ST8SIA1: variants seen among roughly 807,000 people sequenced by gnomAD.
ST8SIA1 encodes the protein alpha-N-acetylneuraminide alpha-2,8-sialyltransferase.
A neutral mutation model predicts 35.9 loss-of-function variants in ST8SIA1; 16 were observed. The ratio of observed to expected loss-of-function variants is 0.45; its 90% confidence interval spans 0.30 to 0.68. The LOEUF is 0.68. ST8SIA1 is among the 30% of genes least tolerant of loss of function. The pLI is 0.09. For missense variants in ST8SIA1, 383 were observed against 453.6 expected (o/e 0.84, Z 1.41); for synonymous variants, 170 against 169.6 (o/e 1.00, Z -0.02).
At chr12:22,330,568 A>G (rs1375786864) in intron 1 of ST8SIA1, among the ~76,000 whole-genome samples, 2 of 152,192 alleles carry the variant, frequency 1.3e-5, no homozygotes, top group South Asian at 2.1e-4. Context: ...CAGTTAGTTA[A>G]TTATATACAT....
At position 22,271,508 on chromosome 12, in the gene ST8SIA1, G is replaced by A. The variant is rs144503224; in HGVS notation, c.381+15641C>T. Among the ~76,000 whole-genome samples, 22 of 152,216 alleles carry A rather than the reference G, an allele frequency of 1.4e-4. No homozygotes were observed. In the East Asian group the frequency reaches 3.1e-3, roughly 21 times the overall value. On this transcript the variant is annotated intron_variant, in intron 2 of 4. Transcript: ENST00000396037. ...TGCCACTTCCAATGTACTTTGTGAT[G>A]GGTACTGAACCTTTCTTAGCCTCAG...
chr12:22,238,062 A>G (rs1865494858), intron 4 of ST8SIA1, among the ~76,000 whole-genome samples: 1 of 152,096 alleles, frequency 6.6e-6, no homozygotes, highest in South Asian at 2.1e-4. Flanking sequence ...GAGGGATATA[A>G]ATTGTTGTGA....
intron 1 of ST8SIA1, among the ~76,000 whole-genome samples, chr12:22,290,673 T>A (rs1301133480): frequency 6.6e-6 from 1 of 152,176 alleles, no homozygotes; most frequent in Non-Finnish European, 1.5e-5. Flanking sequence ...GGTTTCCTGA[T>A]CTGAGATTTG....
At chr12:22,254,301 T>C (rs73270037) in intron 3 of ST8SIA1, among the ~76,000 whole-genome samples, 375 of 152,124 alleles carry the variant, frequency 2.5e-3, no homozygotes, top group African/African-American at 8.6e-3. Flanking sequence ...CAGAAAGCCA[T>C]TCTTTGACTT....
chr12:22,281,423 T>G (rs993119285), intron 2 of ST8SIA1, among the ~76,000 whole-genome samples: 4 of 152,202 alleles, frequency 2.6e-5, no homozygotes, highest in Non-Finnish European at 4.4e-5. Flanking sequence ...GTGTTAGCAT[T>G]AGGCCAAGAA....
chr12:22,311,326 G>T (rs1415931265), intron 1 of ST8SIA1, among the ~76,000 whole-genome samples: 2 of 152,092 alleles, frequency 1.3e-5, no homozygotes, highest in African/African-American at 2.4e-5. Flanking sequence ...TAATTGGAAG[G>T]GTGGGTGGGG....
chr12:22,237,092 T>C (rs1865483355), intron 4 of ST8SIA1, among the ~76,000 whole-genome samples: 1 of 148,920 alleles, frequency 6.7e-6, no homozygotes, highest in Admixed American at 6.9e-5. Flanking sequence ...GGAAAAATTA[T>C]AAAATAACAA....
intron 1 of ST8SIA1, among the ~76,000 whole-genome samples, chr12:22,332,122 A>G (rs1866775251): frequency 6.6e-6 from 1 of 152,196 alleles, no homozygotes; most frequent in Non-Finnish European, 1.5e-5. Context: ...ACTTATTTCA[A>G]TAAGCAATGG....
At position 22,334,296 on chromosome 12, in the gene ST8SIA1, C is replaced by T. The variant is rs987457420; in HGVS notation, c.-64G>A. On this transcript the variant is annotated 5_prime_UTR_variant, in exon 1 of 5. Transcript: ENST00000396037. ...AGCACAAAGCTAGGCGAAGTGGCAG[C>T]GGAGGGTCCCCCACCGCCAGCCCCC... 2 of 1,344,706 alleles carry T rather than the reference C, an allele frequency of 1.5e-6. No homozygotes were observed. Among genetic ancestry groups the T allele is most frequent in the Middle Eastern group, 2.5e-4 (1 of 3,930 alleles). The allele number at this position is 1,344,706 out of a possible 1,614,324, so 83.3% of individuals were successfully genotyped here.
intron 1 of ST8SIA1, among the ~76,000 whole-genome samples, chr12:22,327,677 G>C (rs1050176549): frequency 3.9e-5 from 6 of 152,174 alleles, no homozygotes; most frequent in Non-Finnish European, 8.8e-5. Flanking sequence ...GGGAACATTA[G>C]TGAAAATCTT....
chr12:22,330,358 T>C (rs1866746390), intron 1 of ST8SIA1, among the ~76,000 whole-genome samples: 2 of 152,212 alleles, frequency 1.3e-5, no homozygotes, highest in South Asian at 2.1e-4. Flanking sequence ...TATGCTATCA[T>C]GTAATTTTCA....
rs187439466 is a variant in ST8SIA1, at chr12:22,306,714, T to C, written c.237-19421A>G. 1.5e-4 allele frequency among the ~76,000 whole-genome samples: 23 copies of C among 152,286 alleles called. No homozygotes were observed. The East Asian group carries it at 4.3e-3, about 28-fold the overall frequency. ...TTTTTATATTCATTGTGCTGGACAC[T>C]TGGTGTTCCCTTGCAACCAGAAAAC... On this transcript the variant is annotated intron_variant, in intron 1 of 4. Coordinates refer to ENST00000396037, the MANE Select transcript of ST8SIA1 (RefSeq NM_003034.4).
chr12:22,245,884 A>G (rs1865595040), intron 4 of ST8SIA1, among the ~76,000 whole-genome samples: 1 of 152,224 alleles, frequency 6.6e-6, no homozygotes, highest in South Asian at 2.1e-4. Flanking sequence ...CTGAAAGGAC[A>G]GGGCTTGGAG....
At position 22,200,487 on chromosome 12, in the gene ST8SIA1, T is replaced by A. The variant is rs1037932282; in HGVS notation, c.*1065A>T. The A allele has an allele frequency of 6.6e-6, 1 of 152,222 alleles. No homozygotes were observed. Among genetic ancestry groups the A allele is most frequent in the Admixed American group, 6.5e-5 (1 of 15,278 alleles). The allele number at this position is 152,222 out of a possible 1,614,324, so 9.4% of individuals were successfully genotyped here. On this transcript the variant is annotated 3_prime_UTR_variant, in exon 5 of 5. Transcript: ENST00000396037. ...GTATACTAGTAAAAATGTATTCTTT[T>A]TTAGGTAACTACTAAATAACAATAG... is the stretch of plus-strand genomic sequence containing the variant.
In ST8SIA1 at chr12:22,200,108, A is replaced by C. The variant is rs1865033761; in HGVS notation, c.*1444T>G. On this transcript the variant is annotated 3_prime_UTR_variant, in exon 5 of 5. Coordinates refer to ENST00000396037, the MANE Select transcript of ST8SIA1 (RefSeq NM_003034.4). ...TCACATTTCTTTACTTGTACAAACT[A>C]TACCTTGTGTGACCACGCTCAACAG... The C allele has an allele frequency of 1.3e-5, 2 of 152,252 alleles. No individual in the cohort carries two copies. Among genetic ancestry groups the C allele is most frequent in the African/African-American group, 4.8e-5 (2 of 41,468 alleles). 9.4% of individuals were successfully genotyped at this position (152,252 alleles called of 1,614,324 possible). A position where few individuals can be genotyped will look rare whatever the true frequency, so the allele number is the denominator to read the frequency against.
chr12:22,311,064 C>T (rs1031302148), intron 1 of ST8SIA1, among the ~76,000 whole-genome samples: 2 of 152,082 alleles, frequency 1.3e-5, no homozygotes, highest in African/African-American at 2.4e-5. Context: ...AACTGCAGGT[C>T]ACAGAAGACA....
intron 4 of ST8SIA1, among the ~76,000 whole-genome samples, chr12:22,218,420 C>T (rs1000117589): frequency 6.6e-6 from 1 of 151,808 alleles, no homozygotes; most frequent in Non-Finnish European, 1.5e-5. Flanking sequence ...GAGTTCCAGA[C>T]CAGCCTGACC....
chr12:22,326,113 A>T (rs1866675928), intron 1 of ST8SIA1: 1 of 456,642 alleles, frequency 2.2e-6, no homozygotes, highest in African/African-American at 2.0e-5. Flanking sequence ...ACAAAACCAC[A>T]GATATGGGAG....
intron 4 of ST8SIA1, among the ~76,000 whole-genome samples, chr12:22,234,472 T>C (rs1467814799): frequency 6.6e-6 from 1 of 152,204 alleles, no homozygotes; most frequent in Non-Finnish European, 1.5e-5. Context: ...TAGTAACTAC[T>C]TAAAATAAAC....
Sources: allele counts gnomAD v4.1 joint callset (sites outside exome capture counted in the v4.1 genomes callset), GRCh38; gene constraint gnomAD v4.1.1; transcripts MANE v1.5; gene names NCBI Gene and HGNC (gene_info 2026-07-23, HGNC 2026-07-21).